Variants in AJUBA observed in about 807,000 individuals in gnomAD.
The protein encoded by AJUBA is ajuba LIM protein, also known as LIM domain-containing protein ajuba.
In AJUBA, 20 loss-of-function variants were observed where a neutral mutation model predicts 53.3. The ratio of observed to expected loss-of-function variants is 0.38; its 90% confidence interval spans 0.26 to 0.55. The LOEUF is 0.55. AJUBA is among the 20% of genes least tolerant of loss of function. The probability of loss-of-function intolerance (pLI) is 0.80; values close to 1 mark genes in which losing one functional copy is unlikely to be tolerated. For missense variants in AJUBA, 580 were observed against 730.5 expected, an observed-to-expected ratio of 0.79 and a Z score of 2.38; for synonymous variants, 296 against 306.2, an observed-to-expected ratio of 0.97 and a Z score of 0.35.
chr14:22,976,872 T>C lies in AJUBA; in HGVS notation c.1109-160A>G. 2.8e-6 allele frequency: 4 copies of C among 1,431,630 alleles called. No homozygotes were observed. In the South Asian group the frequency reaches 4.6e-5, roughly 17 times the overall value. The allele number at this position is 1,431,630 out of a possible 1,614,324, so 88.7% of individuals were successfully genotyped here. ...TTCCCCGCACAAAAATTCCATCTGA[T>C]GCAATTCCAATTTGCTTTGGCTTCA... On this transcript the variant is annotated intron_variant, in intron 2 of 7. Coordinates refer to ENST00000262713, the MANE Select transcript of AJUBA (RefSeq NM_032876.6).
Position 22,979,090 on chromosome 14 carries a change from A to G in AJUBA, c.1007-645T>C. On this transcript the variant is annotated intron_variant, in intron 1 of 7. Coordinates refer to ENST00000262713, the MANE Select transcript of AJUBA (RefSeq NM_032876.6). The surrounding 1 kb of genome is among the most constrained non-coding windows in gnomAD (Gnocchi z 4.0). ...GGGTGTGTTCCAGGAACCAGGGTTG[A>G]ACAGGAAAGCAGGGAGAGTAGCAGA... 7.8e-7 allele frequency: 1 copy of G among 1,285,324 alleles called. No individual in the cohort carries two copies. The highest frequency in any genetic ancestry group is 1.2e-5 in the South Asian group (1 of 80,570). 79.6% of individuals were successfully genotyped at this position (1,285,324 alleles called of 1,614,324 possible). A position where few individuals can be genotyped will look rare whatever the true frequency, so the allele number is the denominator to read the frequency against.
At position 22,979,175 on chromosome 14, in the gene AJUBA, C is replaced by T. The variant is rs1430033052; in HGVS notation, c.1007-730G>A. 8.5e-7 allele frequency: 1 copy of T among 1,183,026 alleles called. No homozygotes were observed. Among genetic ancestry groups the T allele is most frequent in the Non-Finnish European group, 1.1e-6 (1 of 937,238 alleles). The allele number at this position is 1,183,026 out of a possible 1,614,324, so 73.3% of individuals were successfully genotyped here. On this transcript the variant is annotated intron_variant, in intron 1 of 7. Transcript: ENST00000262713. The surrounding 1 kb of genome is among the most constrained non-coding windows in gnomAD (Gnocchi z 4.0). The stretch of plus-strand genomic sequence containing the variant: ...GAAGAATACAGAACTGAACTGCTTG[C>T]TATTCCCCAAAATCCCCCACTAAGA...
In AJUBA at chr14:22,982,539, G is replaced by C. The variant is rs951150622; in HGVS notation, c.-273C>G. On this transcript the variant is annotated 5_prime_UTR_variant, in exon 1 of 8. Coordinates refer to ENST00000262713, the MANE Select transcript of AJUBA (RefSeq NM_032876.6). ...CCGCAGGTCTATCTGTTCACGCGTCGACTCGCCCGACTGCCCCACTCTCCC... is the reference window on the plus strand; with the variant it reads ...CCGCAGGTCTATCTGTTCACGCGTCCACTCGCCCGACTGCCCCACTCTCCC... The C allele has an allele frequency of 4.5e-5, 60 of 1,328,154 alleles. No individual in the cohort carries two copies. Among genetic ancestry groups the C allele is most frequent in the Non-Finnish European group, 5.4e-5 (56 of 1,041,102 alleles). 82.3% of individuals were successfully genotyped at this position (1,328,154 alleles called of 1,614,324 possible).
At position 22,979,510 on chromosome 14, in the gene AJUBA, G is replaced by A. The variant is rs563837661; in HGVS notation, c.1007-1065C>T. On this transcript the variant is annotated intron_variant, in intron 1 of 7. Transcript: ENST00000262713. This position sits in a 1 kb window ranked among gnomAD's most constrained non-coding sequence, Gnocchi z 4.0. The stretch of plus-strand genomic sequence containing the variant: ...AGGAAGAGGGCCCCTACTAGGGGCA[G>A]GAGGAGGGTACAGTCAAGCTGGGGC... 6.6e-6 allele frequency among the ~76,000 whole-genome samples: 1 copy of A among 152,346 alleles called. No homozygotes were observed. Among genetic ancestry groups the A allele is most frequent in the South Asian group, 2.1e-4 (1 of 4,830 alleles).
At chr14:22,978,924 A>G (rs1441605558) in intron 1 of AJUBA, 1 of 1,288,662 alleles carries the variant, frequency 7.8e-7, no homozygotes, top group South Asian at 1.2e-5. Context: ...CATCAGTCAA[A>G]CGAGCTGTTC....
chr14:22,973,455 G>A lies in AJUBA; in HGVS notation c.1605C>T (p.Ala535=), dbSNP rs1325249403. 1 of 1,611,158 alleles carries A rather than the reference G, an allele frequency of 6.2e-7. No homozygotes were observed. Among genetic ancestry groups the A allele is most frequent in the South Asian group, 1.1e-5 (1 of 90,430 alleles). The change falls in exon 8 of 8, where the codon GCC becomes GCT. Residue 535 remains alanine, a synonymous_variant. Coordinates refer to ENST00000262713, the MANE Select transcript of AJUBA (RefSeq NM_032876.6). ...CAGTGATTGCAGCTCAGATATAGTT[G>A]GCAGGGGGTTGTCGGGCATTGAGCC... ...MQRLNARQPP[A]NYI
At chr14:22,975,249 C>T (rs1347725751) in intron 4 of AJUBA, 145 bp from the exon 5 acceptor site, 11 of 1,185,046 alleles carry the variant, frequency 9.3e-6, no homozygotes, top group African/African-American at 3.0e-5. Flanking sequence ...GTGAAGAAGT[C>T]GTAAAATGGA....
At chr14:22,978,871 A>G in intron 1 of AJUBA, 1 of 1,275,152 alleles carries the variant, frequency 7.8e-7, no homozygotes, top group South Asian at 1.3e-5. Flanking sequence ...TTTCTAGAGA[A>G]AGCAGGCTAG....
chr14:22,980,712 C>T, intron 1 of AJUBA: 1 of 982,418 alleles, frequency 1.0e-6, no homozygotes. Flanking sequence ...TGCTAGGGAG[C>T]GTCCCCCGAT....
chr14:22,981,487 T>A lies in AJUBA; in HGVS notation c.780A>T (p.Gly260=). The change falls in exon 1 of 8, where the codon GGA becomes GGT. Residue 260 remains glycine (G), a synonymous_variant. Transcript: ENST00000262713. ...GPLERRGAQP[G]RHSVTGYGDC... is the part of the protein sequence containing the mutation. ...CCCCGTAGCCGGTCACAGAGTGTCG[T>A]CCGGGTTGCGCCCCCCGTCTCTCCA... 6.3e-7 allele frequency: 1 copy of A among 1,598,116 alleles called. No homozygotes were observed. Among genetic ancestry groups the A allele is most frequent in the South Asian group, 1.1e-5 (1 of 89,650 alleles).
chr14:22,973,380 C>A lies in AJUBA; in HGVS notation c.*63G>T. ...GTGCATTCTTTGCCTTGGCTGGCCT[C>A]AGAGGGGCCCACTGGCCACAGCAGT... On this transcript the variant is annotated 3_prime_UTR_variant, in exon 8 of 8. Coordinates refer to ENST00000262713, the MANE Select transcript of AJUBA (RefSeq NM_032876.6). 1.3e-6 allele frequency: 2 copies of A among 1,558,690 alleles called. No individual in the cohort carries two copies. Among genetic ancestry groups the A allele is most frequent in the Non-Finnish European group, 1.7e-6 (2 of 1,150,976 alleles).
chr14:22,981,897 A>G lies in AJUBA; in HGVS notation c.370T>C (p.Phe124Leu). ...GCGTCGCTGGCCGAGCTACTGGCGA[A>G]GCTAGAGCGGGGGCTGAGGGCCGGG... ...TAPALSPRSS[F>L]ASSSASDASK... Residue 124 changes from phenylalanine (F) to leucine (L), a missense_variant, in exon 1 of 8, where the codon TTC (phenylalanine) becomes CTC (leucine). This residue lies in a region of AJUBA where 430 missense variants were observed against 471.5 expected (regional missense o/e 0.91). Transcript: ENST00000262713. 6.5e-7 allele frequency: 1 copy of G among 1,547,938 alleles called. No homozygotes were observed. Among genetic ancestry groups the G allele is most frequent in the Non-Finnish European group, 8.7e-7 (1 of 1,151,626 alleles).
At chr14:22,978,564 T>G (rs916846500) in intron 1 of AJUBA, 119 bp from the exon 2 acceptor site, 107 of 1,473,022 alleles carry the variant, frequency 7.3e-5, no homozygotes, top group Non-Finnish European at 9.4e-5. Flanking sequence ...ATGGGCTCCC[T>G]TCTGAGTAGA....
rs1040543665 is a variant in AJUBA at position 22,980,829 on chromosome 14, C to G, written c.1006+432G>C. ...CACGCGGCCAGCCTGCCCCGCCCCC[C>G]CACCCGCGCATTCTCCGAATTCCTG... On this transcript the variant is annotated intron_variant, in intron 1 of 7. Coordinates refer to ENST00000262713, the MANE Select transcript of AJUBA (RefSeq NM_032876.6). Among the ~76,000 whole-genome samples, 4 of 152,036 alleles carry G rather than the reference C, an allele frequency of 2.6e-5. No individual in the cohort carries two copies. In the South Asian group the frequency reaches 8.3e-4, roughly 32 times the overall value.
chr14:22,973,723 G>A (rs2045007118), intron 7 of AJUBA, among the ~76,000 whole-genome samples, 155 bp from the exon 8 acceptor site: 2 of 152,132 alleles, frequency 1.3e-5, no homozygotes, highest in Non-Finnish European at 2.9e-5. Context: ...AGCAATCTGA[G>A]AAAATACTAA....
Position 22,981,720 on chromosome 14 carries a change from G to A in AJUBA, c.547C>T (p.Leu183=). 6.5e-7 allele frequency: 1 copy of A among 1,530,150 alleles called. No homozygotes were observed. Among genetic ancestry groups the A allele is most frequent in the South Asian group, 1.2e-5 (1 of 82,738 alleles). The allele number at this position is 1,530,150 out of a possible 1,614,324, so 94.8% of individuals were successfully genotyped here. The change falls in exon 1 of 8, where the codon CTG becomes TTG. Residue 183 remains leucine (L), a synonymous_variant. Coordinates refer to ENST00000262713, the MANE Select transcript of AJUBA (RefSeq NM_032876.6). ...GCTCCGGCCAGGGGTGGGCCAAACA[G>A]GCACGGCCCCGCTGGCAAGGGGCTC... ...HGSPLPAGPC[L]FGPPLAGAPA...
rs2045011488 is a variant in AJUBA at position 22,974,096 on chromosome 14, C to T, written c.1442G>A (p.Arg481Lys). The T allele has an allele frequency of 6.2e-7, 1 of 1,614,148 alleles. No individual in the cohort carries two copies. Among genetic ancestry groups the T allele is most frequent in the East Asian group, 2.2e-5 (1 of 44,882 alleles). ...LPSEGCEDIV[R>K]VISMDRDYHF... ...ATAATCCCGGTCCATGGATATCACC[C>T]TCACGATGTCCTCACAGCCCTGAAA... is the stretch of plus-strand genomic sequence containing the variant. The change falls in exon 7 of 8, where the codon AGG becomes AAG. Residue 481 changes from arginine to lysine, a missense_variant. Transcript: ENST00000262713.
rs777882414 is a variant in AJUBA at position 22,981,314 on chromosome 14, G to C, written c.953C>G (p.Pro318Arg). 2 of 1,611,726 alleles carry C rather than the reference G, an allele frequency of 1.2e-6. No homozygotes were observed. Among genetic ancestry groups the C allele is most frequent in the Admixed American group, 3.3e-5 (2 of 59,948 alleles). The change falls in exon 1 of 8, where the codon CCG becomes CGG. Residue 318 changes from proline to arginine, a missense_variant. Physicochemically the swap from Pro to Arg is moderately radical, Grantham distance 103. This residue lies in a region of AJUBA where 430 missense variants were observed against 471.5 expected (regional missense o/e 0.91). Coordinates refer to ENST00000262713, the MANE Select transcript of AJUBA (RefSeq NM_032876.6). ...GLEEPPGPFV[P>R]EAARARMREP... ...CCGCATCCGGGCCCGGGCGGCCTCCGGAACGAAAGGACCTGGTGGCTCCTC... is the reference window on the plus strand; with the variant it reads ...CCGCATCCGGGCCCGGGCGGCCTCCCGAACGAAAGGACCTGGTGGCTCCTC...
intron 1 of AJUBA, chr14:22,980,598 C>T (rs565255031): frequency 4.1e-6 from 4 of 985,414 alleles, no homozygotes; most frequent in South Asian, 9.4e-5. Flanking sequence ...TGCCCACGCA[C>T]GCACCTAGCC....
Sources: gnomAD v4.1 joint callset for allele counts (sites outside exome capture counted in the v4.1 genomes callset) on GRCh38, gnomAD v4.1.1 for gene constraint, gnomAD v4.1.1 regional missense constraint, Gnocchi (gnomAD v3.1) non-coding constraint, MANE v1.5 for transcripts, NCBI Gene and HGNC (gene_info 2026-07-23, HGNC 2026-07-21) for gene names.